GSK3B: variants seen among roughly 807,000 people sequenced by gnomAD.
The protein encoded by GSK3B is glycogen synthase kinase-3 beta.
A neutral mutation model predicts 56.4 loss-of-function variants in GSK3B; 15 were observed. The ratio of observed to expected loss-of-function variants is 0.27; its 90% CI spans 0.18 to 0.41. The LOEUF (loss-of-function observed/expected upper bound fraction) is 0.41. GSK3B is among the 10% of genes least tolerant of loss of function. The pLI is 1.00. For synonymous variants in GSK3B, 181 were observed against 188.9 expected (o/e 0.96, Z 0.34); for missense variants, 300 against 513.4 (o/e 0.58, Z 4.02).
intron 3 of GSK3B, among the ~76,000 whole-genome samples, chr3:119,946,099 G>T (rs1277397917): frequency 4.9e-5 from 7 of 141,996 alleles, no homozygotes; most frequent in Non-Finnish European, 1.5e-5. Flanking sequence ...AAAAAAAAAA[G>T]CAACTGAAAA....
At chr3:119,900,206 T>C (rs917859851) in intron 7 of GSK3B, among the ~76,000 whole-genome samples, 2 of 152,082 alleles carry the variant, frequency 1.3e-5, no homozygotes, top group East Asian at 1.9e-4. Flanking sequence ...AGAGAAGATA[T>C]ACCCAAATTC....
At chr3:119,873,179 T>C (rs2056269059) in intron 8 of GSK3B, among the ~76,000 whole-genome samples, 1 of 152,126 alleles carries the variant, frequency 6.6e-6, no homozygotes, top group African/African-American at 2.4e-5. Flanking sequence ...CCAGGGCAAC[T>C]TATTGGAGTT....
At chr3:120,064,390 T>C (rs1030185009) in intron 1 of GSK3B, among the ~76,000 whole-genome samples, 1 of 151,664 alleles carries the variant, frequency 6.6e-6, no homozygotes, top group Admixed American at 6.6e-5. Flanking sequence ...CTGAAAAGGA[T>C]ACTAATAAGC....
intron 1 of GSK3B, among the ~76,000 whole-genome samples, chr3:120,015,076 T>G (rs1239279938): frequency 6.6e-6 from 1 of 152,228 alleles, no homozygotes; most frequent in Non-Finnish European, 1.5e-5. Context: ...AAGTTCAACC[T>G]ACTTAATATC....
At chr3:120,063,854 G>A (rs2058257903) in intron 1 of GSK3B, among the ~76,000 whole-genome samples, 2 of 151,734 alleles carry the variant, frequency 1.3e-5, no homozygotes, top group Admixed American at 6.6e-5. Flanking sequence ...TGGCATGGTG[G>A]TGCACATCTG....
intron 10 of GSK3B, among the ~76,000 whole-genome samples, chr3:119,837,264 C>A (rs960889249): frequency 1.3e-5 from 2 of 152,094 alleles, no homozygotes; most frequent in Non-Finnish European, 2.9e-5. Context: ...ACGCCATTCT[C>A]CTGCCTCAGC....
chr3:120,078,123 A>G (rs1441661601), intron 1 of GSK3B, among the ~76,000 whole-genome samples: 1 of 151,910 alleles, frequency 6.6e-6, no homozygotes, highest in African/African-American at 2.4e-5. Flanking sequence ...ATGACCACAA[A>G]CTTTTTTCTA....
At chr3:120,021,198 A>C (rs930760257) in intron 1 of GSK3B, among the ~76,000 whole-genome samples, 3 of 152,214 alleles carry the variant, frequency 2.0e-5, no homozygotes, top group Non-Finnish European at 4.4e-5. Flanking sequence ...AACAACTTCT[A>C]GATGCCATTA....
intron 2 of GSK3B, among the ~76,000 whole-genome samples, chr3:119,952,448 A>G (rs1044208601): frequency 6.7e-6 from 1 of 150,076 alleles, no homozygotes; most frequent in Non-Finnish European, 1.5e-5. Context: ...AGATCGTGCC[A>G]CTGCACTCCA....
chr3:119,933,932 G>C (rs752601123), intron 3 of GSK3B, among the ~76,000 whole-genome samples: 4 of 152,130 alleles, frequency 2.6e-5, no homozygotes, highest in Non-Finnish European at 5.9e-5. Context: ...AAGCACAGGA[G>C]GTAGTTGACA....
At position 119,863,612 on chromosome 3, in the gene GSK3B, T is replaced by C. The variant is rs1251300419; in HGVS notation, c.910-7A>G. 6.3e-7 allele frequency: 1 copy of C among 1,576,214 alleles called. No individual in the cohort carries two copies. Among genetic ancestry groups the C allele is most frequent in the Non-Finnish European group, 8.7e-7 (1 of 1,149,524 alleles). Reference sequence around the variant, plus strand: ...GAGTTCGGGGTCGGAAGACCTGCAGTACAAAAAAAGGGAAAGAACAATTAA... The same window carrying C: ...GAGTTCGGGGTCGGAAGACCTGCAGCACAAAAAAAGGGAAAGAACAATTAA... On this transcript the variant is annotated splice_polypyrimidine_tract_variant and splice_region_variant and intron_variant, in intron 8 of 10. Coordinates refer to ENST00000264235, the MANE Select transcript of GSK3B (RefSeq NM_001146156.2).
At chr3:119,904,462 T>G (rs1387547054) in intron 7 of GSK3B, among the ~76,000 whole-genome samples, 1 of 152,158 alleles carries the variant, frequency 6.6e-6, no homozygotes, top group African/African-American at 2.4e-5. Flanking sequence ...CTGCAAATTG[T>G]AAGAAATTAT....
chr3:119,982,590 C>T (rs1042024437), intron 2 of GSK3B, among the ~76,000 whole-genome samples: 4 of 152,010 alleles, frequency 2.6e-5, no homozygotes, highest in Non-Finnish European at 5.9e-5. Context: ...ATAGCTGATT[C>T]GATCAAGTGG....
At chr3:120,031,578 G>A (rs1385086343) in intron 1 of GSK3B, among the ~76,000 whole-genome samples, 1 of 152,130 alleles carries the variant, frequency 6.6e-6, no homozygotes, top group South Asian at 2.1e-4. Context: ...AGGGACAGAG[G>A]GTGAAGTAGG....
intron 7 of GSK3B, 24 bp from the exon 8 acceptor site, chr3:119,876,532 C>T: frequency 8.0e-7 from 1 of 1,247,730 alleles, no homozygotes; most frequent in Non-Finnish European, 1.2e-6. Flanking sequence ...AAGTTATTGC[C>T]ATCTTTTCCT....
chr3:119,975,164 C>T (rs1023959190), intron 2 of GSK3B, among the ~76,000 whole-genome samples: 5 of 152,052 alleles, frequency 3.3e-5, no homozygotes, highest in African/African-American at 7.2e-5. Flanking sequence ...AATGAGCTAT[C>T]GGCTGGGCAC....
intron 1 of GSK3B, among the ~76,000 whole-genome samples, chr3:120,027,066 CAA>C (rs757528334): frequency 8.0e-5 from 7 of 87,598 alleles, no homozygotes; most frequent in Non-Finnish European, 7.1e-5. Flanking sequence ...GCAAGACTTC[CAA>C]AAAAAAAAAA....
intron 3 of GSK3B, among the ~76,000 whole-genome samples, chr3:119,938,216 ATCTT>A (rs1174075592): frequency 6.6e-6 from 1 of 152,106 alleles, no homozygotes; most frequent in African/African-American, 2.4e-5. Context: ...ATTAACAATA[ATCTT>A]TCTAAGACTC....
intron 1 of GSK3B, among the ~76,000 whole-genome samples, chr3:120,085,208 C>G (rs545901204): frequency 5.9e-5 from 9 of 152,052 alleles, no homozygotes; most frequent in Admixed American, 3.3e-4. Flanking sequence ...TAATTACTGC[C>G]GTTATTACCA....
Sources: gnomAD v4.1 joint callset for allele counts (sites outside exome capture counted in the v4.1 genomes callset) on GRCh38, gnomAD v4.1.1 for gene constraint, MANE v1.5 for transcripts, NCBI Gene and HGNC (gene_info 2026-07-23, HGNC 2026-07-21) for gene names.